Variants in ATP10B observed in about 807,000 individuals in gnomAD.
The protein encoded by ATP10B is ATPase phospholipid transporting 10B (putative).
ATP10B carries 122 observed loss-of-function variants against 141.2 expected under a neutral mutation model. That is an observed-to-expected ratio of 0.86 (90% CI 0.75 to 1.00). The LOEUF is 1.00. ATP10B is among the 50% of genes least tolerant of loss of function. ATP10B has a pLI of 0.00. For synonymous variants in ATP10B, 685 were observed against 692.0 expected, an observed-to-expected ratio of 0.99 and a Z score of 0.16; for missense variants, 1,876 against 1,825.3, an observed-to-expected ratio of 1.03 and a Z score of -0.51.
intron 21 of ATP10B, among the ~76,000 whole-genome samples, chr5:160,602,271 G>T (rs762019761): frequency 1.9e-4 from 29 of 152,160 alleles, no homozygotes; most frequent in Non-Finnish European, 3.8e-4. Context: ...TCACATATGG[G>T]AATCTGGATT....
intron 1 of ATP10B, among the ~76,000 whole-genome samples, chr5:160,807,163 T>G (rs75811144): frequency 0.03 from 4,520 of 152,284 alleles, 194 homozygotes; most frequent in East Asian, 0.18. Context: ...GGCAGAAATG[T>G]ATCTATAGTT....
At chr5:160,644,911 T>A (rs1382548381) in intron 8 of ATP10B, among the ~76,000 whole-genome samples, 1 of 151,770 alleles carries the variant, frequency 6.6e-6, no homozygotes, top group Non-Finnish European at 1.5e-5. Context: ...AGGTCAGGAG[T>A]TCGAGACCAG....
chr5:160,779,650 T>C (rs1171887941), intron 2 of ATP10B, among the ~76,000 whole-genome samples: 1 of 152,152 alleles, frequency 6.6e-6, no homozygotes, highest in Non-Finnish European at 1.5e-5. Context: ...CTTGATTGTG[T>C]CCTCGTAGGA....
rs11300815 is a variant in ATP10B, at chr5:160,831,111, C to CT, written c.-576+20829dup. Among the ~76,000 whole-genome samples, 6 of 149,850 alleles carry CT rather than the reference C, an allele frequency of 4.0e-5. No homozygotes were observed. The South Asian group carries it at 1.0e-3, about 26-fold the overall frequency. ...TATTTGCTCTGTCACTTTCAACACG[C>CT]TTTTTTTTTTTCTTTTAGATTCACT... On this transcript the variant is annotated intron_variant, in intron 1 of 25. Coordinates refer to ENST00000327245, the MANE Select transcript of ATP10B (RefSeq NM_025153.3).
upstream of ATP10B, among the ~76,000 whole-genome samples, chr5:160,855,860 T>C (rs1753983549): frequency 6.6e-6 from 1 of 151,776 alleles, no homozygotes; most frequent in Non-Finnish European, 1.5e-5. Context: ...CTTCCTCCAT[T>C]GAATTGTTCT....
intron 2 of ATP10B, among the ~76,000 whole-genome samples, chr5:160,739,677 G>A (rs1046665643): frequency 6.6e-6 from 1 of 152,188 alleles, no homozygotes; most frequent in African/African-American, 2.4e-5. Context: ...ACATAGGTGA[G>A]AGATATGAAT....
Position 160,729,569 on chromosome 5 carries a change from CA to C in ATP10B, c.-330-12536del, listed in dbSNP as rs147308555. 4.1e-3 allele frequency among the ~76,000 whole-genome samples: 623 copies of C among 152,198 alleles called. 10 individuals are homozygous for C. Among genetic ancestry groups the C allele is most frequent in the African/African-American group, 0.015 (602 of 41,514 alleles). On this transcript the variant is annotated intron_variant, in intron 2 of 25. Transcript: ENST00000327245. ...AACTAAATCAGAGTAGCGGTACAAG[CA>C]AAGATTGAAGGAGTAAATGAATTCA...
At chr5:160,686,947 A>G (rs1469668531) in intron 5 of ATP10B, 1 of 985,250 alleles carries the variant, frequency 1.0e-6, no homozygotes. Flanking sequence ...ATCTCAAAAG[A>G]GTTGCTGATG....
At chr5:160,678,631 T>C (rs1450531471) in intron 6 of ATP10B, among the ~76,000 whole-genome samples, 1 of 152,230 alleles carries the variant, frequency 6.6e-6, no homozygotes, top group Non-Finnish European at 1.5e-5. Flanking sequence ...CACTCCAGCC[T>C]GGGCTCAAAA....
chr5:160,728,327 C>G (rs944710825), intron 2 of ATP10B, among the ~76,000 whole-genome samples: 15 of 152,076 alleles, frequency 9.9e-5, no homozygotes, highest in Admixed American at 2.0e-4. Context: ...CCCGATACAC[C>G]CTGAAGCTGG....
At chr5:160,749,162 T>C (rs1376832297) in intron 2 of ATP10B, among the ~76,000 whole-genome samples, 1 of 152,208 alleles carries the variant, frequency 6.6e-6, no homozygotes, top group Non-Finnish European at 1.5e-5. Flanking sequence ...TTGGGAACTG[T>C]GCTCAAAGTT....
the ATP10B span, among the ~76,000 whole-genome samples, chr5:160,877,016 T>C: frequency 5.3e-5 from 8 of 151,608 alleles, no homozygotes; most frequent in South Asian, 1.5e-3. Flanking sequence ...AAAGAGGGAA[T>C]CCTCCCCTAA....
rs1179286992 is a variant in ATP10B, at chr5:160,563,660, C to T, written c.*1793G>A. The stretch of plus-strand genomic sequence containing the variant: ...ATCAACTTGCAGGTGTGGCATTCTG[C>T]TTCAAGCCACCTGCATCCTAGAGAG... On this transcript the variant is annotated 3_prime_UTR_variant, in exon 26 of 26. Transcript: ENST00000327245. 6.6e-6 allele frequency: 1 copy of T among 152,152 alleles called. No homozygotes were observed. The highest frequency in any genetic ancestry group is 1.5e-5 in the Non-Finnish European group (1 of 68,012). 9.4% of individuals were successfully genotyped at this position (152,152 alleles called of 1,614,324 possible). A position where few individuals can be genotyped will look rare whatever the true frequency, so the allele number is the denominator to read the frequency against.
intron 3 of ATP10B, among the ~76,000 whole-genome samples, chr5:160,689,989 A>G (rs573379762): frequency 3.3e-5 from 5 of 151,912 alleles, no homozygotes; most frequent in East Asian, 3.9e-4. Context: ...AAACAGCATG[A>G]TACTGGTACC....
intron 1 of ATP10B, among the ~76,000 whole-genome samples, chr5:160,825,808 G>A (rs928088679): frequency 4.6e-5 from 7 of 151,998 alleles, no homozygotes; most frequent in African/African-American, 1.2e-4. Flanking sequence ...TCCCACCTCC[G>A]CCCTTCCCCT....
upstream of ATP10B, among the ~76,000 whole-genome samples, chr5:160,853,015 T>C (rs1333606187): frequency 6.6e-6 from 1 of 152,126 alleles, no homozygotes; most frequent in Admixed American, 6.6e-5. Flanking sequence ...GGTAGAGTAA[T>C]TGTGAACTTT....
At chr5:160,707,804 C>A (rs1048861754) in intron 3 of ATP10B, among the ~76,000 whole-genome samples, 1 of 152,198 alleles carries the variant, frequency 6.6e-6, no homozygotes, top group Non-Finnish European at 1.5e-5. Context: ...AGTAGAGACA[C>A]AGGCTTCGGC....
chr5:160,857,532 T>A, the ATP10B span, among the ~76,000 whole-genome samples: 2 of 151,838 alleles, frequency 1.3e-5, no homozygotes, highest in Non-Finnish European at 2.9e-5. Flanking sequence ...TTCTGTTTTT[T>A]AATTTATTTC....
intron 22 of ATP10B, among the ~76,000 whole-genome samples, chr5:160,597,714 C>A (rs917570366): frequency 9.2e-5 from 14 of 152,050 alleles, no homozygotes; most frequent in Non-Finnish European, 1.8e-4. Context: ...AAATAAACAA[C>A]CCCATCAAAA....
Sources: gnomAD v4.1 joint callset for allele counts (sites outside exome capture counted in the v4.1 genomes callset) on GRCh38, gnomAD v4.1.1 for gene constraint, MANE v1.5 for transcripts, NCBI Gene and HGNC (gene_info 2026-07-23, HGNC 2026-07-21) for gene names.